The following LINGO2 variants were observed in gnomAD, a reference collection of about 807,000 sequenced individuals.
LINGO2 encodes the protein leucine rich repeat and Ig domain containing 2.
LINGO2 carries 14 observed loss-of-function variants against 30.6 expected under a neutral mutation model. That is an observed-to-expected ratio of 0.46 (90% CI 0.30 to 0.72). The LOEUF (loss-of-function observed/expected upper bound fraction) is 0.72. LINGO2 is among the 30% of genes least tolerant of loss of function. LINGO2 has a pLI of 0.07. For synonymous variants in LINGO2, 317 were observed against 288.5 expected, an observed-to-expected ratio of 1.10 and a Z score of -1.00; for missense variants, 729 against 751.7, an observed-to-expected ratio of 0.97 and a Z score of 0.35.
chr9:27,993,849 T>A (rs1046842072), intron 5 of LINGO2, among the ~76,000 whole-genome samples: 1 of 152,082 alleles, frequency 6.6e-6, no homozygotes, highest in Non-Finnish European at 1.5e-5. Flanking sequence ...CTGCTGAATA[T>A]GCATTCTTTT....
At chr9:28,067,741 G>A (rs1825356264) in intron 4 of LINGO2, among the ~76,000 whole-genome samples, 1 of 152,136 alleles carries the variant, frequency 6.6e-6, no homozygotes, top group African/African-American at 2.4e-5. Flanking sequence ...AGGGCATGCT[G>A]CTACCGATAA....
chr9:29,075,975 A>C, the LINGO2 span, among the ~76,000 whole-genome samples: 3 of 152,112 alleles, frequency 2.0e-5, no homozygotes, highest in South Asian at 6.2e-4. Context: ...GCAACCTGCA[A>C]ATCCTGGGCT....
At chr9:28,968,895 C>T in the LINGO2 span, among the ~76,000 whole-genome samples, 1 of 152,028 alleles carries the variant, frequency 6.6e-6, no homozygotes, top group South Asian at 2.1e-4. Context: ...AGATATATGC[C>T]TATGGGTAAT....
chr9:28,095,475 A>G (rs1016531844), intron 4 of LINGO2, among the ~76,000 whole-genome samples: 1 of 152,110 alleles, frequency 6.6e-6, no homozygotes, highest in African/African-American at 2.4e-5. Context: ...TTCCCTATTT[A>G]ATAAATGGTG....
chr9:29,073,470 T>C, the LINGO2 span, among the ~76,000 whole-genome samples: 2 of 152,146 alleles, frequency 1.3e-5, no homozygotes, highest in Admixed American at 6.6e-5. Flanking sequence ...ATATAGTCTA[T>C]GAGCTAAAAA....
At chr9:28,558,277 G>C (rs1006504803) in intron 1 of LINGO2, among the ~76,000 whole-genome samples, 1 of 151,356 alleles carries the variant, frequency 6.6e-6, no homozygotes, top group Admixed American at 6.6e-5. Context: ...CTTTTCTCTT[G>C]AGTAAGACAT....
chr9:28,419,386 T>G (rs1425580595), intron 2 of LINGO2, among the ~76,000 whole-genome samples: 1 of 152,132 alleles, frequency 6.6e-6, no homozygotes, highest in African/African-American at 2.4e-5. Context: ...GCAATACTAA[T>G]CTATATTTAG....
At chr9:29,132,419 A>G in the LINGO2 span, among the ~76,000 whole-genome samples, 246 of 152,270 alleles carry the variant, frequency 1.6e-3, 1 homozygote, top group African/African-American at 5.6e-3. Context: ...AGACATTTGC[A>G]TAGGGTGTAA....
At chr9:29,037,876 T>C in the LINGO2 span, among the ~76,000 whole-genome samples, 3 of 152,070 alleles carry the variant, frequency 2.0e-5, no homozygotes, top group East Asian at 1.9e-4. Flanking sequence ...GAAAAGCACA[T>C]AGTGCATGGA....
the LINGO2 span, among the ~76,000 whole-genome samples, chr9:28,870,958 T>G: frequency 6.6e-6 from 1 of 151,992 alleles, no homozygotes; most frequent in African/African-American, 2.4e-5. Context: ...GCCATGTTTT[T>G]TTGTACTACA....
intron 2 of LINGO2, among the ~76,000 whole-genome samples, chr9:28,392,478 T>C (rs1322842630): frequency 6.6e-6 from 1 of 152,152 alleles, no homozygotes; most frequent in Non-Finnish European, 1.5e-5. Flanking sequence ...TTCCACCTCA[T>C]ATGGGTGATG....
At chr9:28,805,911 ATAT>A in the LINGO2 span, among the ~76,000 whole-genome samples, 12 of 152,184 alleles carry the variant, frequency 7.9e-5, no homozygotes, top group Non-Finnish European at 2.9e-5. Context: ...TCATTTTCTC[ATAT>A]TATTCTATTT....
At chr9:28,417,159 G>T (rs1261238004) in intron 2 of LINGO2, among the ~76,000 whole-genome samples, 1 of 152,132 alleles carries the variant, frequency 6.6e-6, no homozygotes, top group Non-Finnish European at 1.5e-5. Context: ...TGGGGAAATG[G>T]TTAGTCTGTG....
At position 28,146,162 on chromosome 9, in the gene LINGO2, A is replaced by G. The variant is rs563316229; in HGVS notation, c.-86-133757T>C. On this transcript the variant is annotated intron_variant, in intron 4 of 5. Coordinates refer to ENST00000379992, the Ensembl canonical transcript of LINGO2. Reference sequence around the variant, plus strand: ...TCATTCGTTATGAACTGCTAGCTGTACCACAATCAGCCCCCTTCAGATGTA... The same window carrying G: ...TCATTCGTTATGAACTGCTAGCTGTGCCACAATCAGCCCCCTTCAGATGTA... Among the ~76,000 whole-genome samples the G allele has an allele frequency of 4.7e-4, 71 of 152,338 alleles. 1 individual carries two copies. The highest frequency in any genetic ancestry group is 1.7e-3 in the African/African-American group (70 of 41,582).
the LINGO2 span, among the ~76,000 whole-genome samples, chr9:29,018,022 G>C: frequency 3.3e-5 from 3 of 89,886 alleles, no homozygotes; most frequent in South Asian, 3.2e-4. Flanking sequence ...ATATAAATCT[G>C]CATATATATA....
intron 4 of LINGO2, among the ~76,000 whole-genome samples, chr9:28,176,382 G>A (rs1453671358): frequency 6.6e-6 from 1 of 152,052 alleles, no homozygotes; most frequent in African/African-American, 2.4e-5. Context: ...ATAGCACCAT[G>A]GTACTTTGTC....
chr9:28,020,502 C>G (rs982334412), intron 4 of LINGO2, among the ~76,000 whole-genome samples: 15 of 151,944 alleles, frequency 9.9e-5, no homozygotes, highest in African/African-American at 3.6e-4. Context: ...GCACTCCAGC[C>G]TGGCCAACAG....
At chr9:28,785,021 T>C in the LINGO2 span, among the ~76,000 whole-genome samples, 1 of 151,382 alleles carries the variant, frequency 6.6e-6, no homozygotes, top group Admixed American at 6.6e-5. Context: ...TGAAAAAGTA[T>C]AGTATAATGT....
intron 5 of LINGO2, among the ~76,000 whole-genome samples, chr9:27,954,306 G>A (rs926659792): frequency 3.3e-5 from 5 of 152,056 alleles, no homozygotes; most frequent in South Asian, 2.1e-4. Context: ...CTAACTGTAC[G>A]TTGGTATCCA....
Sources: allele counts gnomAD v4.1 joint callset (sites outside exome capture counted in the v4.1 genomes callset), GRCh38; gene constraint gnomAD v4.1.1; transcripts MANE v1.5; gene names NCBI Gene and HGNC (gene_info 2026-07-23, HGNC 2026-07-21).